The following MYCL variants were observed in gnomAD, a reference collection of about 807,000 sequenced individuals.
MYCL encodes MYCL proto-oncogene, bHLH transcription factor.
In MYCL, 11 loss-of-function variants were observed where a neutral mutation model predicts 31.0. The observed-to-expected ratio is 0.35, with a 90% CI of 0.22 to 0.59. The LOEUF (loss-of-function observed/expected upper bound fraction) is 0.59. MYCL is among the 20% of genes least tolerant of loss of function. MYCL has a pLI of 0.79. For synonymous variants in MYCL, 208 were observed against 202.4 expected (o/e 1.03, Z -0.23); for missense variants, 427 against 486.1 (o/e 0.88, Z 1.14).
Position 39,901,481 on chromosome 1 carries a change from G to C in MYCL, c.-47C>G. The C allele has an allele frequency of 6.3e-7, 1 of 1,590,136 alleles. No homozygotes were observed. The highest frequency in any genetic ancestry group is 8.5e-7 in the Non-Finnish European group (1 of 1,174,944). On this transcript the variant is annotated 5_prime_UTR_variant, in exon 1 of 2. Coordinates refer to ENST00000372816, the MANE Select transcript of MYCL (RefSeq NM_001033081.3). This position sits in a 1 kb window ranked among gnomAD's most constrained non-coding sequence, Gnocchi z 6.9. ...AGGGGGGACGTGCTGACCGGGTGCCGGCCGGGCGAAGGAGGTGTCCCCGGG... is the reference window on the plus strand; with the variant it reads ...AGGGGGGACGTGCTGACCGGGTGCCCGCCGGGCGAAGGAGGTGTCCCCGGG...
At chr1:39,900,839 C>A in intron 1 of MYCL, 100 bp downstream of exon 1, 1 of 1,507,240 alleles carries the variant, frequency 6.6e-7, no homozygotes, top group Middle Eastern at 1.8e-4. Flanking sequence ...CGGAGATGGC[C>A]CAAGAGCTTG....
At chr1:39,899,918 T>C (rs559775497) in intron 1 of MYCL, 11 of 985,398 alleles carry the variant, frequency 1.1e-5, no homozygotes, top group South Asian at 4.7e-5. Context: ...AAAAATACCC[T>C]CTCCAGGATT....
chr1:39,897,269 C>A lies in MYCL; in HGVS notation c.*103G>T. On this transcript the variant is annotated 3_prime_UTR_variant, in exon 2 of 2. Transcript: ENST00000372816. This position sits in a 1 kb window ranked among gnomAD's most constrained non-coding sequence, Gnocchi z 4.3. ...TGCATTCTGGGATCTACTGTCCAGA[C>A]TGTCCCACCATAACCAAAATGTGCA... 1 of 1,029,380 alleles carries A rather than the reference C, an allele frequency of 9.7e-7. No individual in the cohort carries two copies. The highest frequency in any genetic ancestry group is 1.4e-6 in the Non-Finnish European group (1 of 699,640). The allele number at this position is 1,029,380 out of a possible 1,614,324, so 63.8% of individuals were successfully genotyped here.
chr1:39,897,793 T>TG lies in MYCL; in HGVS notation c.673dup (p.Gln225ProfsTer25). 6.2e-7 allele frequency: 1 copy of TG among 1,614,164 alleles called. No homozygotes were observed. The highest frequency in any genetic ancestry group is 8.5e-7 in the Non-Finnish European group (1 of 1,180,030). On this transcript the variant is annotated frameshift_variant, in exon 2 of 2. Coordinates refer to ENST00000372816, the MANE Select transcript of MYCL (RefSeq NM_001033081.3). LOFTEE classifies it high-confidence loss of function. The surrounding 1 kb of genome is among the most constrained non-coding windows in gnomAD (Gnocchi z 4.3). ...GGGACCCCTCTCTGAAGCCTCTTCT[T>TG]GGGAGCAGCTTTCTGGAGGAAAACG...
At chr1:39,899,642 A>G in intron 1 of MYCL, 8 of 985,420 alleles carry the variant, frequency 8.1e-6, no homozygotes, top group Non-Finnish European at 9.6e-6. Context: ...TGGTTTTTTG[A>G]TCTCAAGATT....
chr1:39,900,928 G>A lies in MYCL; in HGVS notation c.496+11C>T, dbSNP rs1447275031. 1 of 1,507,000 alleles carries A rather than the reference G, an allele frequency of 6.6e-7. No individual in the cohort carries two copies. 93.4% of individuals were successfully genotyped at this position (1,507,000 alleles called of 1,614,324 possible). A position where few individuals can be genotyped will look rare whatever the true frequency, so the allele number is the denominator to read the frequency against. ...GTGGCCCCCTCTTGGATGGCTCGGG[G>A]AGGTCCTTACCCGAGTCGCTTGGGC... On this transcript the variant is annotated intron_variant, in intron 1 of 1. Transcript: ENST00000372816.
In MYCL at chr1:39,897,243, A is replaced by G. The variant is rs1644490710; in HGVS notation, c.*129T>C. On this transcript the variant is annotated 3_prime_UTR_variant, in exon 2 of 2. Coordinates refer to ENST00000372816, the MANE Select transcript of MYCL (RefSeq NM_001033081.3). This position sits in a 1 kb window ranked among gnomAD's most constrained non-coding sequence, Gnocchi z 4.3. ...CTTTATTGTGTGTGCACCGGCTGCA[A>G]TGCATTCTGGGATCTACTGTCCAGA... 2 of 811,980 alleles carry G rather than the reference A, an allele frequency of 2.5e-6. No individual in the cohort carries two copies. The highest frequency in any genetic ancestry group is 1.7e-5 in the South Asian group (1 of 58,924). The allele number at this position is 811,980 out of a possible 1,614,324, so 50.3% of individuals were successfully genotyped here.
rs1800834 is a variant in MYCL, at chr1:39,897,498, T to C, written c.969A>G (p.Leu323=). 28,070 of 1,614,166 alleles carry C rather than the reference T, an allele frequency of 0.017. 374 individuals are homozygous for C. Among genetic ancestry groups the C allele is most frequent in the Non-Finnish European group, 0.019 (22,342 of 1,180,006 alleles). Residue 323 remains leucine, a synonymous_variant, in exon 2 of 2, where the codon CTA becomes CTG. Coordinates refer to ENST00000372816, the MANE Select transcript of MYCL (RefSeq NM_001033081.3). The surrounding 1 kb of genome is among the most constrained non-coding windows in gnomAD (Gnocchi z 4.3). ...SCSKAPKVVI[L]SKALEYLQAL... ...CTTGCAAGTATTCCAAGGCCTTGCT[T>C]AGGATCACTACTTTGGGGGCCTTGG...
chr1:39,900,659 T>C, intron 1 of MYCL: 2 of 1,355,252 alleles, frequency 1.5e-6, no homozygotes, highest in Non-Finnish European at 1.9e-6. Context: ...ACCCCAGTAT[T>C]GTCCTCTCTA....
In MYCL at chr1:39,897,691, G is replaced by T. The variant is rs371912979; in HGVS notation, c.776C>A (p.Pro259His). ...GGACTGGGCAGCCTCACTTTCTACA[G>T]GTGGGGGACTCACAATCTCTTCATC... ...EEDEEIVSPP[P>H]VESEAAQSCH... Residue 259 changes from proline (P) to histidine (H), a missense_variant, in exon 2 of 2, where the codon CCT becomes CAT. Physicochemically the swap from Pro to His is moderately conservative, Grantham distance 77. Transcript: ENST00000372816. This position sits in a 1 kb window ranked among gnomAD's most constrained non-coding sequence, Gnocchi z 4.3. 8.8e-5 allele frequency: 142 copies of T among 1,614,074 alleles called. No individual in the cohort carries two copies. Among genetic ancestry groups the T allele is most frequent in the Non-Finnish European group, 1.2e-4 (139 of 1,180,038 alleles).
chr1:39,898,439 G>T (rs2124716751), intron 1 of MYCL, among the ~76,000 whole-genome samples: 1 of 152,322 alleles, frequency 6.6e-6, no homozygotes, highest in Admixed American at 6.5e-5. Flanking sequence ...TGCACTTGGG[G>T]AATTGTTACT....
chr1:39,898,694 C>T, intron 1 of MYCL: 5 of 985,454 alleles, frequency 5.1e-6, no homozygotes, highest in Non-Finnish European at 4.8e-6. Flanking sequence ...CATAGGTCGG[C>T]GAAGCTGCAG....
chr1:39,900,261 T>G, intron 1 of MYCL: 1 of 985,394 alleles, frequency 1.0e-6, no homozygotes, highest in South Asian at 4.7e-5. Flanking sequence ...AAGGAAGAGG[T>G]GCCTGGTTGG....
Position 39,896,406 on chromosome 1 carries a change from A to AG in MYCL, c.*965dup, listed in dbSNP as rs1379598173. 4.9e-6 allele frequency: 1 copy of AG among 205,540 alleles called. No individual in the cohort carries two copies. The highest frequency in any genetic ancestry group is 1.0e-5 in the Non-Finnish European group (1 of 100,476). 12.7% of individuals were successfully genotyped at this position (205,540 alleles called of 1,614,324 possible). ...GATTGAGATGAGGCAGGTGGGAAAG[A>AG]GGCAGCAGTACAGTTCTCCCTCTGA... On this transcript the variant is annotated 3_prime_UTR_variant, in exon 2 of 2. Transcript: ENST00000372816.
rs141982114 is a variant in MYCL, at chr1:39,900,550, C to A, written c.496+389G>T. 22,015 of 1,173,258 alleles carry A rather than the reference C, an allele frequency of 0.019. 234 individuals are homozygous for A. Among genetic ancestry groups the A allele is most frequent in the Non-Finnish European group, 0.021 (20,174 of 950,738 alleles). The allele number at this position is 1,173,258 out of a possible 1,614,324, so 72.7% of individuals were successfully genotyped here. A position where few individuals can be genotyped will look rare whatever the true frequency, so the allele number is the denominator to read the frequency against. The stretch of plus-strand genomic sequence containing the variant: ...CAAAAGGCTCTCGGCTTCTTCTCCC[C>A]CTAGGGGAGTGTGAGTTTCCTAGGG... On this transcript the variant is annotated intron_variant, in intron 1 of 1. Coordinates refer to ENST00000372816, the MANE Select transcript of MYCL (RefSeq NM_001033081.3).
Position 39,901,549 on chromosome 1 carries a change from C to G in MYCL, c.-115G>C, listed in dbSNP as rs1644540725. ...CTGCCGGGCTCTCGTTCCTCCCCAA[C>G]CCCACCAGCTTGCAGCCTGCGCCCA... On this transcript the variant is annotated 5_prime_UTR_variant, in exon 1 of 2. Coordinates refer to ENST00000372816, the MANE Select transcript of MYCL (RefSeq NM_001033081.3). The surrounding 1 kb of genome is among the most constrained non-coding windows in gnomAD (Gnocchi z 6.9). 1.6e-5 allele frequency: 23 copies of G among 1,482,592 alleles called. No homozygotes were observed. The highest frequency in any genetic ancestry group is 2.0e-5 in the Non-Finnish European group (23 of 1,127,742). The allele number at this position is 1,482,592 out of a possible 1,614,324, so 91.8% of individuals were successfully genotyped here.
intron 1 of MYCL, chr1:39,900,627 C>A: frequency 7.9e-7 from 1 of 1,269,732 alleles, no homozygotes; most frequent in Non-Finnish European, 1.0e-6. Context: ...TTAAGGTACC[C>A]CCTTCAATCC....
In MYCL at chr1:39,901,024, G is replaced by A. The variant is rs2124719756; in HGVS notation, c.411C>T (p.Ala137=). 2 of 1,501,408 alleles carry A rather than the reference G, an allele frequency of 1.3e-6. No homozygotes were observed. Among genetic ancestry groups the A allele is most frequent in the Middle Eastern group, 1.9e-4 (1 of 5,172 alleles). 93.0% of individuals were successfully genotyped at this position (1,501,408 alleles called of 1,614,324 possible). Reference sequence around the variant, plus strand: ...AGGGGGCGGCGGGCGCCGGGTTGCCGGCTTCGAGGCTGGGAGTGCAGTCCG... The same window carrying A: ...AGGGGGCGGCGGGCGCCGGGTTGCCAGCTTCGAGGCTGGGAGTGCAGTCCG... The part of the protein sequence containing the change: ...AAPDCTPSLE[A]GNPAPAAPCP... The change falls in exon 1 of 2, where the codon GCC becomes GCT. Residue 137 remains alanine, a synonymous_variant. Coordinates refer to ENST00000372816, the MANE Select transcript of MYCL (RefSeq NM_001033081.3). The surrounding 1 kb of genome is among the most constrained non-coding windows in gnomAD (Gnocchi z 6.9).
intron 1 of MYCL, chr1:39,899,488 A>T: frequency 2.6e-6 from 1 of 378,154 alleles, no homozygotes; most frequent in Non-Finnish European, 3.6e-6. Context: ...CATCGTGTGC[A>T]AATGGGGAAA....
Sources: gnomAD v4.1 joint callset for allele counts (sites outside exome capture counted in the v4.1 genomes callset) on GRCh38, gnomAD v4.1.1 for gene constraint, Gnocchi (gnomAD v3.1) non-coding constraint, MANE v1.5 for transcripts, NCBI Gene and HGNC (gene_info 2026-07-23, HGNC 2026-07-21) for gene names.